Variants in MAGI1 observed in about 807,000 individuals in gnomAD.
The protein encoded by MAGI1 is membrane-associated guanylate kinase, WW and PDZ domain-containing protein 1.
Under a neutral mutation model 139.9 loss-of-function variants are expected in MAGI1, and 58 were observed. The ratio of observed to expected loss-of-function variants is 0.41; its 90% CI spans 0.34 to 0.52. MAGI1 has a LOEUF of 0.52. MAGI1 is among the 20% of genes least tolerant of loss of function. MAGI1 has a pLI of 0.12. For synonymous variants in MAGI1, 812 were observed against 737.9 expected (o/e 1.10, Z -1.63); for missense variants, 1,874 against 1,901.6 (o/e 0.99, Z 0.27).
chr3:65,580,244 G>C (rs1239351133), intron 2 of MAGI1, among the ~76,000 whole-genome samples: 1 of 151,916 alleles, frequency 6.6e-6, no homozygotes, highest in Non-Finnish European at 1.5e-5. Context: ...GTACATACAA[G>C]TTTTCAATCT....
At chr3:65,903,053 A>G (rs953531394) in intron 1 of MAGI1, among the ~76,000 whole-genome samples, 1 of 152,062 alleles carries the variant, frequency 6.6e-6, no homozygotes, top group Non-Finnish European at 1.5e-5. Flanking sequence ...CACTGGCGCA[A>G]TCTCGGCTCA....
In MAGI1 at chr3:66,038,501, G is replaced by T; in HGVS notation, c.-193C>A. The T allele has an allele frequency of 1.3e-6, 1 of 774,986 alleles. No individual in the cohort carries two copies. The highest frequency in any genetic ancestry group is 1.9e-6 in the Non-Finnish European group (1 of 538,500). The allele number at this position is 774,986 out of a possible 1,614,324, so 48.0% of individuals were successfully genotyped here. A position where few individuals can be genotyped will look rare whatever the true frequency, so the allele number is the denominator to read the frequency against. ...AGCCATCATAAAACAAACTTTCTGG[G>T]CTTCCCCGCGAGCCCCGCACAGGCG... On this transcript the variant is annotated 5_prime_UTR_variant, in exon 1 of 23. Transcript: ENST00000402939.
intron 1 of MAGI1, among the ~76,000 whole-genome samples, chr3:65,747,935 G>A (rs2035836757): frequency 6.6e-6 from 1 of 152,354 alleles, no homozygotes; most frequent in South Asian, 2.1e-4. Context: ...AGAGAAGCCA[G>A]TGAGCCAAAT....
chr3:65,531,206 C>A (rs904227888), intron 2 of MAGI1, among the ~76,000 whole-genome samples: 23 of 151,866 alleles, frequency 1.5e-4, no homozygotes, highest in Admixed American at 3.9e-4. Flanking sequence ...CAATCCAGAC[C>A]TACAGCTTTA....
rs936379610 is a variant in MAGI1 at position 65,360,128 on chromosome 3, G to A, written c.3634+1071C>T. ...CACCTGGGAAGGCTGGCCCTCCAAG[G>A]AGCTATCCTTCTCCTTGAGCTGCAT... On this transcript the variant is annotated intron_variant, in intron 22 of 22. Coordinates refer to ENST00000402939, the MANE Select transcript of MAGI1 (RefSeq NM_001033057.2). 1.4e-5 allele frequency: 14 copies of A among 985,164 alleles called. No homozygotes were observed. In the East Asian group the frequency reaches 1.2e-3, roughly 88 times the overall value. 61.0% of individuals were successfully genotyped at this position (985,164 alleles called of 1,614,324 possible).
intron 1 of MAGI1, among the ~76,000 whole-genome samples, chr3:65,992,899 C>T (rs906333752): frequency 7.9e-5 from 12 of 152,102 alleles, no homozygotes; most frequent in African/African-American, 2.9e-4. Context: ...GATCATGGCT[C>T]ACTGCAGCCT....
intron 1 of MAGI1, among the ~76,000 whole-genome samples, chr3:65,981,758 G>A (rs1453056801): frequency 2.0e-5 from 3 of 152,018 alleles, no homozygotes; most frequent in African/African-American, 4.8e-5. Flanking sequence ...CCTTTTGCTC[G>A]GTTCTTATTT....
chr3:65,772,765 T>A (rs761430396), intron 1 of MAGI1, among the ~76,000 whole-genome samples: 1 of 152,216 alleles, frequency 6.6e-6, no homozygotes, highest in Non-Finnish European at 1.5e-5. Context: ...GGACAAGACA[T>A]GTTTCCAGGG....
intron 2 of MAGI1, among the ~76,000 whole-genome samples, chr3:65,516,019 A>C (rs373125278): frequency 6.6e-6 from 1 of 152,284 alleles, no homozygotes; most frequent in East Asian, 1.9e-4. Context: ...TTCTTGCCCT[A>C]GTTTTCAAGC....
Position 65,692,108 on chromosome 3 carries a change from T to C in MAGI1, c.314-70020A>G, listed in dbSNP as rs558680197. On this transcript the variant is annotated intron_variant, in intron 1 of 22. Transcript: ENST00000402939. Reference sequence around the variant, plus strand: ...ACAAGTATAGGTATATAAGACCTTTTTTTAAAAAAAAAATGTGATCTGGAC... The same window carrying C: ...ACAAGTATAGGTATATAAGACCTTTCTTTAAAAAAAAAATGTGATCTGGAC... 4.9e-4 allele frequency among the ~76,000 whole-genome samples: 74 copies of C among 152,242 alleles called. 1 individual carries two copies. In the South Asian group the frequency reaches 8.5e-3, roughly 18 times the overall value.
At chr3:65,425,149 T>G (rs534815126) in intron 12 of MAGI1, among the ~76,000 whole-genome samples, 2 of 124,842 alleles carry the variant, frequency 1.6e-5, no homozygotes, top group South Asian at 4.8e-4. Context: ...AAAACACACA[T>G]GCCTAAACAT....
chr3:65,640,639 T>C (rs2107235389), intron 1 of MAGI1, among the ~76,000 whole-genome samples: 1 of 152,196 alleles, frequency 6.6e-6, no homozygotes, highest in Middle Eastern at 3.4e-3. Context: ...AGCTGAAGAG[T>C]TCACAAAAAT....
At chr3:65,945,086 A>C (rs1229620038) in intron 1 of MAGI1, among the ~76,000 whole-genome samples, 1 of 152,216 alleles carries the variant, frequency 6.6e-6, no homozygotes, top group African/African-American at 2.4e-5. Context: ...AAGAGTGCTC[A>C]AATCTGGGAG....
chr3:65,778,446 A>AG (rs1447343745), intron 1 of MAGI1, among the ~76,000 whole-genome samples: 1 of 126,544 alleles, frequency 7.9e-6, no homozygotes, highest in East Asian at 2.0e-4. Context: ...AAAAAAAAAT[A>AG]AATAAATAAG....
In MAGI1 at chr3:65,478,798, C is replaced by T. The variant is rs1458488862; in HGVS notation, c.551G>A (p.Gly184Glu). Residue 184 changes from glycine to glutamate, a missense_variant and splice_region_variant, in exon 4 of 23, where the codon GGA becomes GAA. Physicochemically the swap from Gly to Glu is moderately conservative, Grantham distance 98. Transcript: ENST00000402939. ...GTLLEVGTYE[G>E]NYYGTPKPPS... Reference sequence around the variant, plus strand: ...AGGCTTGGGTGTCCCATAATAGTTTCCTAGGTGATGGAGAGACACATTTGC... The same window carrying T: ...AGGCTTGGGTGTCCCATAATAGTTTTCTAGGTGATGGAGAGACACATTTGC... 2 of 1,610,682 alleles carry T rather than the reference C, an allele frequency of 1.2e-6. No individual in the cohort carries two copies. Among genetic ancestry groups the T allele is most frequent in the Non-Finnish European group, 1.7e-6 (2 of 1,177,294 alleles).
chr3:65,807,652 G>T (rs1305456829), intron 1 of MAGI1, among the ~76,000 whole-genome samples: 1 of 152,110 alleles, frequency 6.6e-6, no homozygotes, highest in Non-Finnish European at 1.5e-5. Flanking sequence ...CCAGCAACCG[G>T]CTATTCCAAA....
chr3:65,445,820 C>T (rs1195464122), intron 7 of MAGI1, among the ~76,000 whole-genome samples: 1 of 152,190 alleles, frequency 6.6e-6, no homozygotes, highest in African/African-American at 2.4e-5. Flanking sequence ...CCCAAGCCAA[C>T]TGCCCACGCC....
chr3:65,747,164 G>C (rs1207701777), intron 1 of MAGI1, among the ~76,000 whole-genome samples: 1 of 152,226 alleles, frequency 6.6e-6, no homozygotes, highest in East Asian at 1.9e-4. Flanking sequence ...AAGAGTTAAA[G>C]GAAAGCATCA....
At position 65,971,916 on chromosome 3, in the gene MAGI1, C is replaced by T. The variant is rs117401012; in HGVS notation, c.313+66080G>A. Among the ~76,000 whole-genome samples, 85 of 152,280 alleles carry T rather than the reference C, an allele frequency of 5.6e-4. 1 individual carries two copies. The East Asian group carries it at 0.014, about 25-fold the overall frequency. On this transcript the variant is annotated intron_variant, in intron 1 of 22. Coordinates refer to ENST00000402939, the MANE Select transcript of MAGI1 (RefSeq NM_001033057.2). ...TCAATGGAGTTTCCTCTTGGGCACA[C>T]TTAATAATCATGTCGTACCTCAGCA... is the stretch of plus-strand genomic sequence containing the variant.
Sources: gnomAD v4.1 joint callset for allele counts (sites outside exome capture counted in the v4.1 genomes callset) on GRCh38, gnomAD v4.1.1 for gene constraint, MANE v1.5 for transcripts, NCBI Gene and HGNC (gene_info 2026-07-23, HGNC 2026-07-21) for gene names.